FRY: variants seen among roughly 807,000 people sequenced by gnomAD.
The protein encoded by FRY is FRY microtubule binding protein, also known as protein furry homolog.
A neutral mutation model predicts 348.4 loss-of-function variants in FRY; 128 were observed. That is an observed-to-expected ratio of 0.37 (90% CI 0.32 to 0.43). The LOEUF (loss-of-function observed/expected upper bound fraction) is 0.43, where lower values mean the gene tolerates loss of function less well. Ranked by LOEUF, FRY falls within the 20% of genes least tolerant of loss-of-function variation. FRY has a pLI of 1.00. For synonymous variants in FRY, 1,370 were observed against 1,374.7 expected, an observed-to-expected ratio of 1.00 and a Z score of 0.08; for missense variants, 2,736 against 3,695.2, an observed-to-expected ratio of 0.74 and a Z score of 6.73.
intron 39 of FRY, 34 bp from the exon 40 acceptor site, chr13:32,228,422 A>ATGG (rs779457760): frequency 1.7e-5 from 25 of 1,490,134 alleles, no homozygotes; most frequent in Non-Finnish European, 2.2e-5. Context: ...CACACTGCCT[A>ATGG]GTACATCCCT....
intron 3 of FRY, among the ~76,000 whole-genome samples, chr13:32,106,524 T>C (rs1169018111): frequency 6.6e-6 from 1 of 152,228 alleles, no homozygotes; most frequent in Non-Finnish European, 1.5e-5. Flanking sequence ...TGGCTTACAT[T>C]CTCAAAGTCC....
rs117810708 is a variant in FRY at position 32,178,699 on chromosome 13, C to A, written c.2682-145C>A. 1.7e-3 allele frequency: 1,218 copies of A among 696,984 alleles called. 15 individuals are homozygous for A. In the East Asian group the frequency reaches 0.027, roughly 15 times the overall value. 43.2% of individuals were successfully genotyped at this position (696,984 alleles called of 1,614,324 possible). A position where few individuals can be genotyped will look rare whatever the true frequency, so the allele number is the denominator to read the frequency against. On this transcript the variant is annotated intron_variant, in intron 21 of 60. Coordinates refer to ENST00000542859, the MANE Select transcript of FRY (RefSeq NM_023037.3). ...TTTAAAGTTCTTCTGTTTGACTTTT[C>A]ATCCAATGCAGATACTCTTTGAATA...
intron 28 of FRY, among the ~76,000 whole-genome samples, chr13:32,193,336 T>C (rs1326912504): frequency 6.6e-6 from 1 of 151,854 alleles, no homozygotes; most frequent in Non-Finnish European, 1.5e-5. Flanking sequence ...TTAAGAGACT[T>C]TGTAGTAGGA....
At position 32,181,877 on chromosome 13, in the gene FRY, G is replaced by A. The variant is rs111299424; in HGVS notation, c.2997-1100G>A. On this transcript the variant is annotated intron_variant, in intron 23 of 60. Coordinates refer to ENST00000542859, the MANE Select transcript of FRY (RefSeq NM_023037.3). ...TCCATCTCATAAATTTATTGAGAAG[G>A]CATATTAAATGTAAATATTCACAAT... is the stretch of plus-strand genomic sequence containing the variant. Among the ~76,000 whole-genome samples the A allele has an allele frequency of 4.7e-3, 714 of 152,240 alleles. 9 individuals are homozygous for A. The highest frequency in any genetic ancestry group is 0.016 in the African/African-American group (665 of 41,528).
At chr13:32,248,333 G>A (rs7322328) in intron 48 of FRY, among the ~76,000 whole-genome samples, 14,419 of 152,036 alleles carry the variant, frequency 0.095, 904 homozygotes, top group East Asian at 0.23. Flanking sequence ...GTTGAACAAA[G>A]AGAATACATG....
intron 8 of FRY, 57 bp downstream of exon 8, chr13:32,131,897 A>G (rs146037165): frequency 1.1e-5 from 14 of 1,305,110 alleles, no homozygotes; most frequent in East Asian, 6.9e-5. Context: ...TCCCTTCCTC[A>G]AAATGATGAA....
In FRY at chr13:32,274,883, C is replaced by T. The variant is rs764610167; in HGVS notation, c.8178C>T (p.Ala2726=). Reference sequence around the variant, plus strand: ...TCTGCTTCCTAACCTGTGATGCAGCCAGTTACCTTGGAGATAACCTCCGGG... The same window carrying T: ...TCTGCTTCCTAACCTGTGATGCAGCTAGTTACCTTGGAGATAACCTCCGGG... The part of the protein sequence containing the change: ...KRFCFLTCDA[A]SYLGDNLRGI... Residue 2726 remains alanine (A), a synonymous_variant, in exon 56 of 61, where the codon GCC becomes GCT. Coordinates refer to ENST00000542859, the MANE Select transcript of FRY (RefSeq NM_023037.3). 1 of 1,613,216 alleles carries T rather than the reference C, an allele frequency of 6.2e-7. No individual in the cohort carries two copies. The highest frequency in any genetic ancestry group is 8.5e-7 in the Non-Finnish European group (1 of 1,179,252).
rs56384037 is a variant in FRY, at chr13:32,246,427, A to G, written c.6829-896A>G. On this transcript the variant is annotated intron_variant, in intron 47 of 60. Transcript: ENST00000542859. ...TGAAGAGTAGGAATTTGACATGCCA[A>G]TAAGGAGGGGAAATGTATTCAAGGA... 7.1e-3 allele frequency among the ~76,000 whole-genome samples: 1,084 copies of G among 152,334 alleles called. 2 individuals are homozygous for G. Among genetic ancestry groups the G allele is most frequent in the Non-Finnish European group, 0.013 (859 of 68,034 alleles).
rs762497810 is a variant in FRY at position 32,244,140 on chromosome 13, G to A, written c.6786G>A (p.Gln2262=). ...YMDLSVVPVK[Q]FNVEVLKTIE... is the part of the protein sequence containing the mutation. ...ACCTTTCTGTCGTTCCTGTCAAACA[G>A]TTCAATGTGGAAGTTCTGAAGACAA... is the stretch of plus-strand genomic sequence containing the variant. The change falls in exon 47 of 61, where the codon CAG becomes CAA. Residue 2262 remains glutamine (Q), a synonymous_variant. Transcript: ENST00000542859. 1.2e-6 allele frequency: 2 copies of A among 1,613,976 alleles called. No individual in the cohort carries two copies. Among genetic ancestry groups the A allele is most frequent in the East Asian group, 2.2e-5 (1 of 44,886 alleles).
At chr13:32,081,410 G>A (rs551621778) in intron 2 of FRY, among the ~76,000 whole-genome samples, 38 of 152,190 alleles carry the variant, frequency 2.5e-4, no homozygotes, top group African/African-American at 8.9e-4. Context: ...CCACAACCTC[G>A]GCTTCCCGGG....
At chr13:32,287,164 CAAAA>C (rs373301111) in intron 58 of FRY, among the ~76,000 whole-genome samples, 1 of 111,010 alleles carries the variant, frequency 9.0e-6, no homozygotes, top group Non-Finnish European at 1.8e-5. Flanking sequence ...GACTCCATCT[CAAAA>C]AAAAAAAAAA....
At chr13:32,281,560 G>A (rs952572252) in intron 58 of FRY, among the ~76,000 whole-genome samples, 9 of 152,288 alleles carry the variant, frequency 5.9e-5, no homozygotes, top group Non-Finnish European at 8.8e-5. Context: ...TGTTTCCAAT[G>A]TTTTTGCAAA....
In FRY at chr13:32,078,821, T is replaced by C; in HGVS notation, c.71-13T>C. On this transcript the variant is annotated splice_polypyrimidine_tract_variant and intron_variant, in intron 1 of 60. Coordinates refer to ENST00000542859, the MANE Select transcript of FRY (RefSeq NM_023037.3). ...TATTATCAGCCAGTAAGAATGCCCA[T>C]TCTGTTTTTCAGCTTCTCCCGTTGG... 6.2e-7 allele frequency: 1 copy of C among 1,605,764 alleles called. No individual in the cohort carries two copies. Among genetic ancestry groups the C allele is most frequent in the Middle Eastern group, 1.7e-4 (1 of 5,908 alleles).
intron 51 of FRY, among the ~76,000 whole-genome samples, chr13:32,256,022 C>T (rs73444623): frequency 1.9e-4 from 29 of 151,962 alleles, no homozygotes; most frequent in Admixed American, 6.6e-5. Flanking sequence ...CGAAGTAATC[C>T]GACACAATTT....
At chr13:32,142,513 G>A (rs1365192594) in intron 11 of FRY, among the ~76,000 whole-genome samples, 1 of 152,110 alleles carries the variant, frequency 6.6e-6, no homozygotes, top group African/African-American at 2.4e-5. Context: ...TACTAACCTG[G>A]TTTACTGTCG....
Position 32,295,536 on chromosome 13 carries a change from C to T in FRY, c.*76C>T, listed in dbSNP as rs2072047301. On this transcript the variant is annotated 3_prime_UTR_variant, in exon 61 of 61. Coordinates refer to ENST00000542859, the MANE Select transcript of FRY (RefSeq NM_023037.3). ...GGGGCAACGTCATTCAGTGTCTTCT[C>T]GGCCTTCAAAAGGCTTGGACAGACT... The T allele has an allele frequency of 4.9e-6, 7 of 1,419,166 alleles. No homozygotes were observed. Among genetic ancestry groups the T allele is most frequent in the African/African-American group, 1.4e-5 (1 of 71,648 alleles). 87.9% of individuals were successfully genotyped at this position (1,419,166 alleles called of 1,614,324 possible).
chr13:32,106,852 A>G (rs549410948), intron 3 of FRY, among the ~76,000 whole-genome samples: 1 of 152,342 alleles, frequency 6.6e-6, no homozygotes, highest in South Asian at 2.1e-4. Context: ...CAAAATGCCC[A>G]AAGTAGAACT....
chr13:32,209,180 C>G, intron 32 of FRY, 71 bp downstream of exon 32: 1 of 1,544,724 alleles, frequency 6.5e-7, no homozygotes, highest in South Asian at 1.1e-5. Context: ...GTTAGTCAAA[C>G]CCCGGGGAAA....
At chr13:32,166,848 G>C (rs992641563) in intron 17 of FRY, among the ~76,000 whole-genome samples, 1 of 152,096 alleles carries the variant, frequency 6.6e-6, no homozygotes, top group African/African-American at 2.4e-5. Flanking sequence ...TTTATAACCA[G>C]CTGAGCCTTC....
Sources: allele counts gnomAD v4.1 joint callset (sites outside exome capture counted in the v4.1 genomes callset), GRCh38; gene constraint gnomAD v4.1.1; transcripts MANE v1.5; gene names NCBI Gene and HGNC (gene_info 2026-07-23, HGNC 2026-07-21).